The following MAPK8 variants were observed in gnomAD, a reference collection of about 807,000 sequenced individuals.
MAPK8 encodes the protein mitogen-activated protein kinase 8, also known as JUN N-terminal kinase.
A neutral mutation model predicts 52.9 loss-of-function variants in MAPK8; 13 were observed. The observed-to-expected ratio is 0.25, with a 90% CI of 0.16 to 0.39. The LOEUF is 0.39. Ranked by LOEUF, MAPK8 falls within the 10% of genes least tolerant of loss-of-function variation. The probability of loss-of-function intolerance (pLI) is 1.00; values close to 1 mark genes in which losing one functional copy is unlikely to be tolerated. For missense variants in MAPK8, 300 were observed against 519.2 expected (o/e 0.58, Z 4.10); for synonymous variants, 191 against 169.8 (o/e 1.12, Z -0.97).
chr10:48,379,473 A>C (rs1291703986), intron 1 of MAPK8, among the ~76,000 whole-genome samples: 6 of 152,216 alleles, frequency 3.9e-5, no homozygotes, highest in Non-Finnish European at 8.8e-5. Flanking sequence ...ATATTGTCAT[A>C]AATGTCATAA....
intron 1 of MAPK8, among the ~76,000 whole-genome samples, chr10:48,383,289 G>A (rs2041120161): frequency 6.6e-6 from 1 of 152,086 alleles, no homozygotes; most frequent in South Asian, 2.1e-4. Flanking sequence ...CAAATAAGGT[G>A]CAAATCCACA....
intron 5 of MAPK8, among the ~76,000 whole-genome samples, chr10:48,415,483 G>A (rs1227549498): frequency 2.0e-5 from 3 of 152,116 alleles, no homozygotes; most frequent in South Asian, 2.1e-4. Context: ...TATGTTAATC[G>A]GATTAGTTCC....
intron 6 of MAPK8, among the ~76,000 whole-genome samples, chr10:48,421,185 G>A (rs1470217651): frequency 6.6e-6 from 1 of 152,116 alleles, no homozygotes; most frequent in Non-Finnish European, 1.5e-5. Flanking sequence ...ATTGTAATAA[G>A]TCAACTTTTA....
rs71465463 is a variant in MAPK8, at chr10:48,403,917, T to TTGTGTGTGTGTGTGTGTG, written c.123-911_123-894dup. Among the ~76,000 whole-genome samples, 217 of 125,742 alleles carry TTGTGTGTGTGTGTGTGTG rather than the reference T, an allele frequency of 1.7e-3. 2 individuals carry two copies. Among genetic ancestry groups the TTGTGTGTGTGTGTGTGTG allele is most frequent in the African/African-American group, 6.4e-3 (203 of 31,500 alleles). 82.5% of individuals were successfully genotyped at this position (125,742 alleles called of 152,430 possible). ...GTGCCTGCCACCACGCCCGGCTAAT[T>TTGTGTGTGTGTGTGTGTG]TGTGTGTGTGTGTGTGTGTGTGTGT... On this transcript the variant is annotated intron_variant, in intron 2 of 11. Coordinates refer to ENST00000374189, the MANE Select transcript of MAPK8 (RefSeq NM_001323329.2).
intron 1 of MAPK8, among the ~76,000 whole-genome samples, chr10:48,368,119 C>T (rs1848227655): frequency 1.3e-5 from 2 of 152,124 alleles, no homozygotes; most frequent in Admixed American, 1.3e-4. Context: ...AGTAATTTAT[C>T]AAGACAGTAA....
chr10:48,349,961 A>G (rs1846147454), intron 1 of MAPK8, among the ~76,000 whole-genome samples: 1 of 152,200 alleles, frequency 6.6e-6, no homozygotes, highest in Non-Finnish European at 1.5e-5. Flanking sequence ...CAGAAATACA[A>G]ACTACCGTCA....
At chr10:48,331,314 C>T (rs978375366) in intron 1 of MAPK8, among the ~76,000 whole-genome samples, 1 of 152,204 alleles carries the variant, frequency 6.6e-6, no homozygotes, top group Non-Finnish European at 1.5e-5. Context: ...TAATTACCAA[C>T]CTCATTGGAT....
At chr10:48,309,849 G>C (rs900421607) in intron 1 of MAPK8, among the ~76,000 whole-genome samples, 9 of 152,198 alleles carry the variant, frequency 5.9e-5, no homozygotes, top group African/African-American at 1.9e-4. Context: ...CAAGTCAATG[G>C]TATGGGTAGT....
chr10:48,437,040 G>A lies in MAPK8; in HGVS notation c.*2011G>A, dbSNP rs1215511955. On this transcript the variant is annotated 3_prime_UTR_variant, in exon 12 of 12. Coordinates refer to ENST00000374189, the MANE Select transcript of MAPK8 (RefSeq NM_001323329.2). ...TTCTCATATTTTATGTTTGATTGCT[G>A]ATAAGCCATCTCTATTGATACAGAT... 6.6e-6 allele frequency: 1 copy of A among 152,166 alleles called. No homozygotes were observed. 9.4% of individuals were successfully genotyped at this position (152,166 alleles called of 1,614,324 possible).
intron 1 of MAPK8, among the ~76,000 whole-genome samples, chr10:48,354,039 T>G (rs1846603250): frequency 6.6e-6 from 1 of 152,214 alleles, no homozygotes; most frequent in South Asian, 2.1e-4. Context: ...GTCAGTTTCC[T>G]AGTTTTGATT....
At chr10:48,323,615 G>A (rs965673656) in intron 1 of MAPK8, among the ~76,000 whole-genome samples, 10 of 152,124 alleles carry the variant, frequency 6.6e-5, no homozygotes, top group African/African-American at 1.9e-4. Context: ...GTCTTAAAGA[G>A]TTTTTGTTTT....
At chr10:48,365,216 A>G (rs1271357037) in intron 1 of MAPK8, among the ~76,000 whole-genome samples, 3 of 152,194 alleles carry the variant, frequency 2.0e-5, no homozygotes, top group Admixed American at 6.5e-5. Flanking sequence ...AGTGTTCTTA[A>G]GGAAGCAGGA....
chr10:48,411,229 C>T (rs1440063275), intron 5 of MAPK8, among the ~76,000 whole-genome samples: 1 of 152,150 alleles, frequency 6.6e-6, no homozygotes, highest in Non-Finnish European at 1.5e-5. Context: ...ATGGGCTCTT[C>T]TAAGAGTTTT....
At chr10:48,345,475 T>C (rs1019409523) in intron 1 of MAPK8, among the ~76,000 whole-genome samples, 2 of 152,234 alleles carry the variant, frequency 1.3e-5, no homozygotes, top group African/African-American at 4.8e-5. Flanking sequence ...ACATTTCTTT[T>C]GAGTCCAAGA....
chr10:48,405,097 T>A, intron 3 of MAPK8, 116 bp downstream of exon 3: 1 of 355,874 alleles, frequency 2.8e-6, no homozygotes, highest in Non-Finnish European at 5.0e-6. Flanking sequence ...TAAAACATTG[T>A]TTAAAAGGGA....
chr10:48,313,452 A>G (rs1842179342), intron 1 of MAPK8, among the ~76,000 whole-genome samples: 1 of 152,124 alleles, frequency 6.6e-6, no homozygotes, highest in African/African-American at 2.4e-5. Context: ...AACAACAACA[A>G]CAACACCCAG....
chr10:48,377,941 G>A (rs2040772293), intron 1 of MAPK8, among the ~76,000 whole-genome samples: 2 of 152,092 alleles, frequency 1.3e-5, no homozygotes, highest in Non-Finnish European at 2.9e-5. Context: ...CTTGAGGTCA[G>A]TTAGTCTAGA....
intron 1 of MAPK8, among the ~76,000 whole-genome samples, chr10:48,370,820 G>A (rs1419341924): frequency 6.6e-6 from 1 of 152,120 alleles, no homozygotes; most frequent in Admixed American, 6.6e-5. Flanking sequence ...AGATGACCAA[G>A]AGGCAGTTGA....
Position 48,409,895 on chromosome 10 carries a change from A to T in MAPK8, c.269A>T (p.Asn90Ile). 1 of 1,609,992 alleles carries T rather than the reference A, an allele frequency of 6.2e-7. No individual in the cohort carries two copies. The highest frequency in any genetic ancestry group is 8.5e-7 in the Non-Finnish European group (1 of 1,177,202). Residue 90 changes from asparagine to isoleucine, a missense_variant, in exon 4 of 12, where the codon AAT becomes ATT. Coordinates refer to ENST00000374189, the MANE Select transcript of MAPK8 (RefSeq NM_001323329.2). ...VNHKNIIGLL[N>I]VFTPQKSLEE... ...TTATTATAGATAATTGGCCTTTTGA[A>T]TGTTTTCACACCACAGAAATCCCTA...
Sources: gnomAD v4.1 joint callset for allele counts (sites outside exome capture counted in the v4.1 genomes callset) on GRCh38, gnomAD v4.1.1 for gene constraint, MANE v1.5 for transcripts, NCBI Gene and HGNC (gene_info 2026-07-23, HGNC 2026-07-21) for gene names.